Variants in KIF1B observed in about 807,000 individuals in gnomAD.
KIF1B encodes the protein kinesin family member 1B.
Under a neutral mutation model 241.9 loss-of-function variants are expected in KIF1B, and 76 were observed. The ratio of observed to expected loss-of-function variants is 0.31; its 90% CI spans 0.26 to 0.38. The LOEUF is 0.38. Ranked by LOEUF, KIF1B falls within the 10% of genes least tolerant of loss-of-function variation. The pLI, the probability that KIF1B is intolerant of heterozygous loss-of-function variation, is 1.00. For missense variants in KIF1B, 1,622 were observed against 2,271.4 expected, an observed-to-expected ratio of 0.71 and a Z score of 5.81; for synonymous variants, 750 against 796.7, an observed-to-expected ratio of 0.94 and a Z score of 0.99.
chr1:10,277,911 G>A, intron 12 of KIF1B, 75 bp from the exon 13 acceptor site: 1 of 1,292,844 alleles, frequency 7.7e-7, no homozygotes, highest in Non-Finnish European at 1.1e-6. Flanking sequence ...ATTTGATTTA[G>A]AGATAATAGT....
intron 15 of KIF1B, 140 bp from the exon 16 acceptor site, chr1:10,290,942 T>C (rs1649966963): frequency 3.1e-6 from 2 of 651,550 alleles, no homozygotes; most frequent in African/African-American, 1.8e-5. Context: ...TCTTATCTTA[T>C]GTATTAATAA....
At chr1:10,375,071 C>G (rs1276015006) in intron 47 of KIF1B, 25 bp downstream of exon 47, 1 of 1,610,322 alleles carries the variant, frequency 6.2e-7, no homozygotes, top group Non-Finnish European at 8.5e-7. Context: ...GCCTTGGTTT[C>G]TTATTGCCAC....
chr1:10,364,200 C>CTTTTTTTTTTTT (rs779967463), intron 41 of KIF1B, among the ~76,000 whole-genome samples: 2 of 113,864 alleles, frequency 1.8e-5, no homozygotes, highest in African/African-American at 6.8e-5. Flanking sequence ...GGGACAGGAT[C>CTTTTTTTTTTTT]TTTTTTTTTT....
chr1:10,272,596 C>A (rs1275173840), intron 9 of KIF1B: 6 of 509,390 alleles, frequency 1.2e-5, no homozygotes, highest in Admixed American at 9.7e-5. Context: ...CTCACAAAAA[C>A]CAAGTATATT....
chr1:10,224,416 T>C (rs533821871), intron 1 of KIF1B, among the ~76,000 whole-genome samples: 1 of 151,804 alleles, frequency 6.6e-6, no homozygotes, highest in African/African-American at 2.4e-5. Flanking sequence ...GTGCCCAGCC[T>C]GTTTTGTGTG....
At chr1:10,347,936 G>C in intron 36 of KIF1B, 109 bp downstream of exon 36, 1 of 979,958 alleles carries the variant, frequency 1.0e-6, no homozygotes, top group South Asian at 1.3e-5. Flanking sequence ...TCAGAGGGTG[G>C]GCGGGGCATT....
chr1:10,233,831 A>G (rs1647014048), intron 2 of KIF1B, among the ~76,000 whole-genome samples: 1 of 151,656 alleles, frequency 6.6e-6, no homozygotes, highest in African/African-American at 2.4e-5. Flanking sequence ...TAGTAGAGAC[A>G]GGGTTTCACC....
intron 22 of KIF1B, among the ~76,000 whole-genome samples, chr1:10,299,886 T>G (rs12130220): frequency 0.27 from 40,462 of 152,040 alleles, 5,589 homozygotes; most frequent in Admixed American, 0.32. Context: ...TTTTGTGACA[T>G]GTGAATTGAC....
At chr1:10,320,588 C>A (rs759504463) in intron 23 of KIF1B, among the ~76,000 whole-genome samples, 3 of 152,180 alleles carry the variant, frequency 2.0e-5, no homozygotes, top group African/African-American at 7.2e-5. Context: ...TTAGGGCTTT[C>A]ATTATTACTT....
At chr1:10,266,876 T>C (rs1003757152) in intron 5 of KIF1B, among the ~76,000 whole-genome samples, 2 of 152,214 alleles carry the variant, frequency 1.3e-5, no homozygotes, top group South Asian at 4.1e-4. Flanking sequence ...CTGTGCGTAT[T>C]GTTAATAGAA....
At chr1:10,339,883 C>G in intron 32 of KIF1B, 24 bp downstream of exon 32, 1 of 1,591,538 alleles carries the variant, frequency 6.3e-7, no homozygotes, top group Non-Finnish European at 8.6e-7. Context: ...ACCTTTTTGC[C>G]AAACATATGT....
chr1:10,309,079 T>C (rs898963812), intron 22 of KIF1B, among the ~76,000 whole-genome samples: 5 of 152,204 alleles, frequency 3.3e-5, no homozygotes, highest in South Asian at 2.1e-4. Context: ...GATGGTACAC[T>C]AGAGAGGAAA....
At chr1:10,333,672 A>G (rs61778376) in intron 27 of KIF1B, among the ~76,000 whole-genome samples, 49,841 of 151,828 alleles carry the variant, frequency 0.33, 8,314 homozygotes, top group Middle Eastern at 0.38. Flanking sequence ...AGCCTGGGTG[A>G]CAGAGTGAGA....
chr1:10,296,464 A>C, intron 19 of KIF1B, 118 bp from the exon 20 acceptor site: 1 of 841,770 alleles, frequency 1.2e-6, no homozygotes, highest in Non-Finnish European at 2.0e-6. Flanking sequence ...AACTTCAGCC[A>C]CTTGATTGAT....
chr1:10,376,834 AACACACACACACAC>A lies in KIF1B; in HGVS notation c.*267_*280del, dbSNP rs111663673. 5.2e-5 allele frequency: 23 copies of A among 442,606 alleles called. No homozygotes were observed. Among genetic ancestry groups the A allele is most frequent in the East Asian group, 2.0e-4 (5 of 25,200 alleles). The allele number at this position is 442,606 out of a possible 1,614,324, so 27.4% of individuals were successfully genotyped here. On this transcript the variant is annotated 3_prime_UTR_variant, in exon 49 of 49. Coordinates refer to ENST00000676179, the MANE Select transcript of KIF1B (RefSeq NM_001365951.3). ...CTAACAAAAGGAAAAAATGTTTTTA[AACACACACACACAC>A]ACACACACACACACACACATACACA...
chr1:10,371,379 G>A, intron 45 of KIF1B, 117 bp downstream of exon 45: 1 of 1,245,616 alleles, frequency 8.0e-7, no homozygotes, highest in East Asian at 2.5e-5. Flanking sequence ...GCAGCATTTG[G>A]AAATGTGTGG....
At chr1:10,334,406 A>T in intron 27 of KIF1B, 114 bp from the exon 28 acceptor site, 1 of 864,642 alleles carries the variant, frequency 1.2e-6, no homozygotes, top group Non-Finnish European at 2.0e-6. Context: ...AAGGGGTCTT[A>T]AGACAAGGCC....
Position 10,296,580 on chromosome 1 carries a change from A to G in KIF1B, c.1778-2A>G. ...ACATTAGTTTGTGTTTGTTCCTCTTAGTTATCGTGACCTTAGAGCCCTGTG... is the reference window on the plus strand; with the variant it reads ...ACATTAGTTTGTGTTTGTTCCTCTTGGTTATCGTGACCTTAGAGCCCTGTG... On this transcript the variant is annotated splice_acceptor_variant, in intron 19 of 48. Coordinates refer to ENST00000676179, the MANE Select transcript of KIF1B (RefSeq NM_001365951.3). LOFTEE classifies it high-confidence loss of function. The G allele has an allele frequency of 6.2e-7, 1 of 1,611,812 alleles. No individual in the cohort carries two copies. The highest frequency in any genetic ancestry group is 8.5e-7 in the Non-Finnish European group (1 of 1,178,032).
In KIF1B at chr1:10,292,133, A is replaced by G; in HGVS notation, c.1590+11A>G. 6.2e-7 allele frequency: 1 copy of G among 1,609,208 alleles called. No individual in the cohort carries two copies. Among genetic ancestry groups the G allele is most frequent in the Non-Finnish European group, 8.5e-7 (1 of 1,175,584 alleles). ...TTCTCACCTAAAAAGGTAGGAAACA[A>G]TGCTGTGAAACCTAATCAGACAGAG... is the stretch of plus-strand genomic sequence containing the variant. On this transcript the variant is annotated intron_variant, in intron 17 of 48. Transcript: ENST00000676179.
Sources: gnomAD v4.1 joint callset for allele counts (sites outside exome capture counted in the v4.1 genomes callset) on GRCh38, gnomAD v4.1.1 for gene constraint, MANE v1.5 for transcripts, NCBI Gene and HGNC (gene_info 2026-07-23, HGNC 2026-07-21) for gene names.